CABIN1: variants seen among roughly 807,000 people sequenced by gnomAD.
CABIN1 encodes the protein calcineurin binding protein 1.
In CABIN1, 133 loss-of-function variants were observed where a neutral mutation model predicts 227.7. The ratio of observed to expected loss-of-function variants is 0.58; its 90% CI spans 0.51 to 0.67. The LOEUF (loss-of-function observed/expected upper bound fraction) is 0.67, where lower values mean the gene tolerates loss of function less well. Ranked by LOEUF, CABIN1 falls within the 30% of genes least tolerant of loss-of-function variation. CABIN1 has a pLI of 0.00. For missense variants in CABIN1, 2,408 were observed against 2,852.5 expected, an observed-to-expected ratio of 0.84 and a Z score of 3.55; for synonymous variants, 1,086 against 1,155.1, an observed-to-expected ratio of 0.94 and a Z score of 1.21.
intron 20 of CABIN1, 56 bp downstream of exon 20, chr22:24,083,445 T>C: frequency 1.3e-6 from 2 of 1,591,124 alleles, no homozygotes; most frequent in Admixed American, 1.7e-5. Context: ...TAAGCTCTTT[T>C]GAAGGATGTC....
In CABIN1 at chr22:24,172,042, T is replaced by C. The variant is rs775271737; in HGVS notation, c.6040+47T>C. The C allele has an allele frequency of 2.5e-6, 4 of 1,584,788 alleles. No individual in the cohort carries two copies. The Admixed American group carries it at 7.0e-5, about 28-fold the overall frequency. On this transcript the variant is annotated intron_variant, in intron 34 of 36. Transcript: ENST00000263119. Reference sequence around the variant, plus strand: ...AGCTGGGCCCAGGCCCCTGCCACCATCAAGTCCTCCCTGCGGGGAGAGTGT... The same window carrying C: ...AGCTGGGCCCAGGCCCCTGCCACCACCAAGTCCTCCCTGCGGGGAGAGTGT...
rs118030019 is a variant in CABIN1, at chr22:24,172,041, A to T, written c.6040+46A>T. The T allele has an allele frequency of 3.0e-4, 475 of 1,585,340 alleles. 5 individuals are homozygous for T. In the East Asian group the frequency reaches 0.011, roughly 36 times the overall value. On this transcript the variant is annotated intron_variant, in intron 34 of 36. Transcript: ENST00000263119. ...GAGCTGGGCCCAGGCCCCTGCCACC[A>T]TCAAGTCCTCCCTGCGGGGAGAGTG...
At chr22:24,110,129 C>T (rs1602137121) in intron 26 of CABIN1, among the ~76,000 whole-genome samples, 1 of 152,288 alleles carries the variant, frequency 6.6e-6, no homozygotes, top group East Asian at 1.9e-4. Context: ...CAAGATCGTG[C>T]AATTGCACTC....
chr22:24,055,312 G>A (rs568339012), intron 9 of CABIN1, among the ~76,000 whole-genome samples, 153 bp downstream of exon 9: 1 of 152,380 alleles, frequency 6.6e-6, no homozygotes, highest in East Asian at 1.9e-4. Flanking sequence ...CCCTAGAGGA[G>A]CCTCTCAGCC....
At chr22:24,174,550 C>T (rs947794467) in intron 34 of CABIN1, among the ~76,000 whole-genome samples, 3 of 152,182 alleles carry the variant, frequency 2.0e-5, no homozygotes, top group Admixed American at 6.5e-5. Flanking sequence ...CTGGGGCTGT[C>T]TTGCCTTGTA....
At chr22:24,058,239 T>C (rs1040613085) in intron 10 of CABIN1, among the ~76,000 whole-genome samples, 1 of 152,180 alleles carries the variant, frequency 6.6e-6, no homozygotes, top group African/African-American at 2.4e-5. Flanking sequence ...CCCAGGCTGA[T>C]CTTGAACTCC....
At position 24,059,354 on chromosome 22, in the gene CABIN1, A is replaced by T. The variant is rs202057711; in HGVS notation, c.1390A>T (p.Met464Leu). 12 of 1,614,184 alleles carry T rather than the reference A, an allele frequency of 7.4e-6. No homozygotes were observed. Among genetic ancestry groups the T allele is most frequent in the Non-Finnish European group, 1.0e-5 (12 of 1,180,022 alleles). Reference protein sequence around the residue: ...QRLSFDSATFMESEKQDVHEF... With the variant: ...QRLSFDSATFLESEKQDVHEF... ...GCTGTCATTTGACTCAGCCACATTC[A>T]TGGAATCTGGTAGGAATCGAGCAGT... Residue 464 changes from methionine to leucine, a missense_variant, in exon 11 of 37, where the codon ATG (methionine) becomes TTG (leucine). By Grantham distance (15) the Met-to-Leu change is conservative. Around this residue, in one of 3 missense-constraint regions of CABIN1, gnomAD observed 1,045 missense variants for 1,168.4 expected, o/e 0.89. Coordinates refer to ENST00000263119, the MANE Select transcript of CABIN1 (RefSeq NM_012295.4).
chr22:24,029,028 A>G (rs1262857277), intron 1 of CABIN1, among the ~76,000 whole-genome samples: 1 of 152,148 alleles, frequency 6.6e-6, no homozygotes, highest in Non-Finnish European at 1.5e-5. Flanking sequence ...TTTTATTTGT[A>G]TATCTTAGGA....
At chr22:24,161,710 C>G (rs924421433) in intron 29 of CABIN1, among the ~76,000 whole-genome samples, 2 of 152,248 alleles carry the variant, frequency 1.3e-5, no homozygotes, top group African/African-American at 4.8e-5. Context: ...CAAGCTCACC[C>G]CTGGCACATT....
At chr22:24,109,251 C>T (rs1261438850) in intron 26 of CABIN1, among the ~76,000 whole-genome samples, 2 of 150,066 alleles carry the variant, frequency 1.3e-5, no homozygotes, top group African/African-American at 2.5e-5. Flanking sequence ...CAGGGTCTCG[C>T]TCTGTTTTTC....
rs1455182902 is a variant in CABIN1 at position 24,065,635 on chromosome 22, T to C, written c.2038-1352T>C. ...GGCAGAGGCTGCAATCTCGGCACTT[T>C]GGGAGGCCAAGGCAGGCGGCTGGGA... On this transcript the variant is annotated intron_variant, in intron 15 of 36. Coordinates refer to ENST00000263119, the MANE Select transcript of CABIN1 (RefSeq NM_012295.4). Among the ~76,000 whole-genome samples, 89 of 152,224 alleles carry C rather than the reference T, an allele frequency of 5.8e-4. 1 individual carries two copies. Among genetic ancestry groups the C allele is most frequent in the African/African-American group, 2.0e-3 (83 of 41,544 alleles).
rs1312543431 is a variant in CABIN1, at chr22:24,119,367, GA to G, written c.4307del (p.Asn1436ThrfsTer85). On this transcript the variant is annotated frameshift_variant and splice_region_variant, in exon 28 of 37. Transcript: ENST00000263119. LOFTEE classifies it high-confidence loss of function. ...TTCTTTCCCTTCTTCTCAACTGTAGGAAAAAACGAGGAGTCATTGGAGAGTA... is the reference window on the plus strand; with the variant it reads ...TTCTTTCCCTTCTTCTCAACTGTAGGAAAAACGAGGAGTCATTGGAGAGTA... ...KDLQGATEER[G>X]KNEESLESTE... 1 of 1,611,862 alleles carries G rather than the reference GA, an allele frequency of 6.2e-7. No individual in the cohort carries two copies. Among genetic ancestry groups the G allele is most frequent in the Non-Finnish European group, 8.5e-7 (1 of 1,179,936 alleles).
intron 26 of CABIN1, among the ~76,000 whole-genome samples, chr22:24,100,130 G>A (rs2147440133): frequency 6.6e-6 from 1 of 152,288 alleles, no homozygotes; most frequent in East Asian, 1.9e-4. Flanking sequence ...TGGTTGCACA[G>A]TTTTGAACAT....
intron 1 of CABIN1, among the ~76,000 whole-genome samples, chr22:24,021,041 C>T (rs1484163045): frequency 6.6e-6 from 1 of 151,720 alleles, no homozygotes; most frequent in Non-Finnish European, 1.5e-5. Context: ...ACTGTGTATC[C>T]CAGGCTGGAA....
In CABIN1 at chr22:24,177,480, G is replaced by A; in HGVS notation, c.6206-24G>A. The A allele has an allele frequency of 6.6e-7, 1 of 1,514,510 alleles. No individual in the cohort carries two copies. Among genetic ancestry groups the A allele is most frequent in the Non-Finnish European group, 8.8e-7 (1 of 1,132,224 alleles). 93.8% of individuals were successfully genotyped at this position (1,514,510 alleles called of 1,614,324 possible). A position where few individuals can be genotyped will look rare whatever the true frequency, so the allele number is the denominator to read the frequency against. ...CTGTGTGATGCGGCAGGCAGGAAGTGCTCTTGGTACCTTTGTCTTCCAGAG... is the reference window on the plus strand; with the variant it reads ...CTGTGTGATGCGGCAGGCAGGAAGTACTCTTGGTACCTTTGTCTTCCAGAG... On this transcript the variant is annotated intron_variant, in intron 35 of 36. Transcript: ENST00000263119. The surrounding 1 kb of genome is among the most constrained non-coding windows in gnomAD (Gnocchi z 4.4).
At chr22:24,144,784 G>T (rs2045003380) in intron 29 of CABIN1, among the ~76,000 whole-genome samples, 1 of 152,236 alleles carries the variant, frequency 6.6e-6, no homozygotes, top group Admixed American at 6.5e-5. Context: ...GCCAGGTGTT[G>T]CTGTGCTCCG....
chr22:24,024,274 T>C (rs6004042), intron 1 of CABIN1, among the ~76,000 whole-genome samples: 43,507 of 152,070 alleles, frequency 0.29, 7,810 homozygotes, highest in African/African-American at 0.51. Context: ...ATACATGTGC[T>C]ACCTTTGCAT....
intron 34 of CABIN1, among the ~76,000 whole-genome samples, chr22:24,174,312 A>G (rs1355064016): frequency 1.4e-5 from 2 of 145,482 alleles, no homozygotes; most frequent in Non-Finnish European, 3.0e-5. Flanking sequence ...TATTTTTTGT[A>G]GAGATGGGGT....
rs183379705 is a variant in CABIN1, at chr22:24,174,220, C to T, written c.6041-1891C>T. On this transcript the variant is annotated intron_variant, in intron 34 of 36. Coordinates refer to ENST00000263119, the MANE Select transcript of CABIN1 (RefSeq NM_012295.4). ...ATGGCTCACTGCAGCTTCAACCTCCCTGGGCTCAGGTGATCCTCCTACCTC... is the reference window on the plus strand; with the variant it reads ...ATGGCTCACTGCAGCTTCAACCTCCTTGGGCTCAGGTGATCCTCCTACCTC... 3.9e-5 allele frequency among the ~76,000 whole-genome samples: 6 copies of T among 152,152 alleles called. No individual in the cohort carries two copies. The East Asian group carries it at 9.7e-4, about 25-fold the overall frequency.
Sources: allele counts gnomAD v4.1 joint callset (sites outside exome capture counted in the v4.1 genomes callset), GRCh38; gene constraint gnomAD v4.1.1; regional missense constraint gnomAD v4.1.1; non-coding constraint Gnocchi (gnomAD v3.1); transcripts MANE v1.5; gene names NCBI Gene and HGNC (gene_info 2026-07-23, HGNC 2026-07-21).